The following PTPRN2 variants were observed in gnomAD, a reference collection of about 807,000 sequenced individuals.
PTPRN2 encodes protein tyrosine phosphatase receptor type N2.
In PTPRN2, 74 loss-of-function variants were observed where a neutral mutation model predicts 118.8. The observed-to-expected ratio is 0.62, with a 90% CI of 0.52 to 0.76. The LOEUF (loss-of-function observed/expected upper bound fraction) is 0.76. Among genes scored for constraint, PTPRN2 ranks in the 30% least tolerant of loss-of-function variants. The pLI, the probability that PTPRN2 is intolerant of heterozygous loss-of-function variation, is 0.00. For missense variants in PTPRN2, 1,481 were observed against 1,394.4 expected, an observed-to-expected ratio of 1.06 and a Z score of -0.99; for synonymous variants, 641 against 608.0, an observed-to-expected ratio of 1.05 and a Z score of -0.80.
At chr7:158,127,914 C>G (rs1018576939) in intron 9 of PTPRN2, among the ~76,000 whole-genome samples, 1 of 152,220 alleles carries the variant, frequency 6.6e-6, no homozygotes, top group Non-Finnish European at 1.5e-5. Context: ...AAGAATCCCT[C>G]TAGTTTGTAA....
chr7:158,305,138 C>A (rs1013919069), intron 3 of PTPRN2, among the ~76,000 whole-genome samples: 2 of 152,144 alleles, frequency 1.3e-5, no homozygotes, highest in African/African-American at 4.8e-5. Flanking sequence ...TGTCCAAACA[C>A]CCCTTCCCAT....
chr7:158,430,157 C>T (rs181483073), intron 2 of PTPRN2, among the ~76,000 whole-genome samples: 13 of 152,290 alleles, frequency 8.5e-5, no homozygotes, highest in African/African-American at 2.6e-4. Context: ...CCACCTGCCT[C>T]GGCCTCCCAA....
At chr7:157,796,983 C>A (rs546099887) in intron 12 of PTPRN2, among the ~76,000 whole-genome samples, 1 of 152,318 alleles carries the variant, frequency 6.6e-6, no homozygotes, top group African/African-American at 2.4e-5. Flanking sequence ...AAAGAGTGAT[C>A]TGCCTCGAGT....
chr7:158,124,548 G>A (rs562721583), intron 9 of PTPRN2, among the ~76,000 whole-genome samples: 1 of 152,374 alleles, frequency 6.6e-6, no homozygotes, highest in Admixed American at 6.5e-5. Context: ...CAATGGTTTG[G>A]CCAGATGCTC....
At chr7:157,818,385 G>T (rs1806573442) in intron 12 of PTPRN2, among the ~76,000 whole-genome samples, 1 of 149,202 alleles carries the variant, frequency 6.7e-6, no homozygotes, top group Non-Finnish European at 1.5e-5. Flanking sequence ...GGGCTGTGTG[G>T]CCTCAGAGAT....
chr7:157,555,040 C>T (rs1798813378), intron 21 of PTPRN2, among the ~76,000 whole-genome samples: 1 of 149,008 alleles, frequency 6.7e-6, no homozygotes, highest in South Asian at 2.1e-4. Context: ...GGGCTGCACC[C>T]TCGTGCCTGG....
At chr7:158,408,476 G>A (rs1228937069) in intron 2 of PTPRN2, among the ~76,000 whole-genome samples, 1 of 152,152 alleles carries the variant, frequency 6.6e-6, no homozygotes, top group African/African-American at 2.4e-5. Context: ...CCCGGAGGTG[G>A]GTCCCTGCCT....
intron 3 of PTPRN2, among the ~76,000 whole-genome samples, chr7:158,234,891 T>C (rs1205646949): frequency 6.6e-6 from 1 of 151,878 alleles, no homozygotes; most frequent in Non-Finnish European, 1.5e-5. Context: ...GCCTCCCGAG[T>C]AGCTGGGATT....
At chr7:157,811,121 A>C (rs888487556) in intron 12 of PTPRN2, among the ~76,000 whole-genome samples, 2 of 151,664 alleles carry the variant, frequency 1.3e-5, no homozygotes, top group African/African-American at 2.4e-5. Context: ...AACACAAAAA[A>C]TTAGCCGGGC....
At chr7:158,564,419 T>G (rs28647501) in intron 1 of PTPRN2, among the ~76,000 whole-genome samples, 32,021 of 152,224 alleles carry the variant, frequency 0.21, 3,673 homozygotes, top group East Asian at 0.42. Flanking sequence ...CTGAGCTGAC[T>G]CCCACCTCCA....
At chr7:157,626,151 G>T (rs1803556401) in intron 14 of PTPRN2, among the ~76,000 whole-genome samples, 1 of 152,198 alleles carries the variant, frequency 6.6e-6, no homozygotes, top group Non-Finnish European at 1.5e-5. Context: ...CCTCTGAAAT[G>T]CCCTGTGGGT....
At position 157,642,091 on chromosome 7, in the gene PTPRN2, G is replaced by A. The variant is rs575343711; in HGVS notation, c.2196+14266C>T. Reference sequence around the variant, plus strand: ...CCTCTGTAGCCCCCCTGCCACGCCCGACACTCCCGTCAAGGACAGAGACGT... The same window carrying A: ...CCTCTGTAGCCCCCCTGCCACGCCCAACACTCCCGTCAAGGACAGAGACGT... On this transcript the variant is annotated intron_variant, in intron 14 of 22. Transcript: ENST00000389418. Among the ~76,000 whole-genome samples the A allele has an allele frequency of 1.1e-4, 16 of 152,302 alleles. No individual in the cohort carries two copies. In the East Asian group the frequency reaches 2.7e-3, roughly 26 times the overall value.
At chr7:158,178,534 T>A (rs1254804564) in intron 5 of PTPRN2, among the ~76,000 whole-genome samples, 1 of 151,516 alleles carries the variant, frequency 6.6e-6, no homozygotes, top group Non-Finnish European at 1.5e-5. Context: ...ATTATTACAT[T>A]CTTTTTCGTG....
At chr7:158,401,420 G>A in intron 2 of PTPRN2, among the ~76,000 whole-genome samples, 1 of 152,258 alleles carries the variant, frequency 6.6e-6, no homozygotes, top group Non-Finnish European at 1.5e-5. Context: ...TGGAGGCAGA[G>A]AGACCTGGCC....
chr7:157,546,035 G>A lies in PTPRN2; in HGVS notation c.2976+2911C>T, dbSNP rs117988797. 8.5e-3 allele frequency among the ~76,000 whole-genome samples: 1,288 copies of A among 152,300 alleles called. 40 individuals carry two copies. The highest frequency in any genetic ancestry group is 0.046 in the Admixed American group (700 of 15,302). On this transcript the variant is annotated intron_variant, in intron 22 of 22. Coordinates refer to ENST00000389418, the MANE Select transcript of PTPRN2 (RefSeq NM_002847.5). ...GGATTAAGATGTGATGGTGACTTTC[G>A]CATGGTTCCATTTCCTTATGCCTTG...
At position 158,134,010 on chromosome 7, in the gene PTPRN2, G is replaced by T; in HGVS notation, c.1223C>A (p.Ser408Tyr). ...TLGGLLQDHGSRLLPGALPFA... is the reference protein window; with the variant it reads ...TLGGLLQDHGYRLLPGALPFA... ...GGGGAGGGCTCCAGGTAAGAGTCGA[G>T]ACCCGTGGTCCTGCAGGAGGCCCCC... Residue 408 changes from serine to tyrosine, a missense_variant, in exon 9 of 23, where the codon TCT (serine) becomes TAT (tyrosine). Physicochemically the swap from Ser to Tyr is moderately radical, Grantham distance 144. This residue lies in a region of PTPRN2 where 1,115 missense variants were observed against 994.2 expected (regional missense o/e 1.12). Transcript: ENST00000389418. 6.2e-7 allele frequency: 1 copy of T among 1,614,024 alleles called. No homozygotes were observed. The highest frequency in any genetic ancestry group is 8.5e-7 in the Non-Finnish European group (1 of 1,180,052).
At chr7:158,451,221 T>C (rs544226560) in intron 2 of PTPRN2, among the ~76,000 whole-genome samples, 1 of 152,372 alleles carries the variant, frequency 6.6e-6, no homozygotes, top group South Asian at 2.1e-4. Context: ...GGGTCCTCTC[T>C]GTTTTGAACG....
At chr7:157,576,922 C>T (rs1463871162) in intron 18 of PTPRN2, 143 bp from the exon 19 acceptor site, 31 of 835,472 alleles carry the variant, frequency 3.7e-5, no homozygotes, top group Non-Finnish European at 5.2e-5. Flanking sequence ...CAGGTGGGTT[C>T]CCTCGGCTTC....
At chr7:157,589,302 T>C (rs1484844065) in intron 17 of PTPRN2, among the ~76,000 whole-genome samples, 1 of 152,188 alleles carries the variant, frequency 6.6e-6, no homozygotes, top group Non-Finnish European at 1.5e-5. Context: ...ATTGAAGAGC[T>C]CAGTAAATGG....
Sources: gnomAD v4.1 joint callset for allele counts (sites outside exome capture counted in the v4.1 genomes callset) on GRCh38, gnomAD v4.1.1 for gene constraint, gnomAD v4.1.1 regional missense constraint, MANE v1.5 for transcripts, NCBI Gene and HGNC (gene_info 2026-07-23, HGNC 2026-07-21) for gene names.